MYO9A: variants seen among roughly 807,000 people sequenced by gnomAD.
MYO9A encodes myosin IXA.
In MYO9A, 103 loss-of-function variants were observed where a neutral mutation model predicts 293.3. That is an observed-to-expected ratio of 0.35 (90% CI 0.30 to 0.41). MYO9A has a LOEUF of 0.41. MYO9A is among the 10% of genes least tolerant of loss of function. MYO9A has a pLI of 1.00. For missense variants in MYO9A, 2,685 were observed against 3,033.0 expected (o/e 0.89, Z 2.69); for synonymous variants, 1,001 against 1,035.7 (o/e 0.97, Z 0.64).
chr15:71,935,363 C>G lies in MYO9A; in HGVS notation c.2500G>C (p.Glu834Gln), dbSNP rs1390986764. Residue 834 changes from glutamate to glutamine, a missense_variant, in exon 17 of 42, where the codon GAG becomes CAG. This residue lies in a region of MYO9A where 1,434 missense variants were observed against 1,497.7 expected (regional missense o/e 0.96). Coordinates refer to ENST00000356056, the MANE Select transcript of MYO9A (RefSeq NM_006901.4). ...GACGTGAGAATTCCATGGGCTCTCT[C>G]CAGGAGTTTGCTGCTAGTTGAATTA... ...FANSTSSKLL[E>Q]RAHGILTRNK... The G allele has an allele frequency of 1.4e-5, 22 of 1,613,446 alleles. No individual in the cohort carries two copies. The highest frequency in any genetic ancestry group is 1.8e-5 in the Non-Finnish European group (21 of 1,179,630).
intron 8 of MYO9A, among the ~76,000 whole-genome samples, chr15:72,006,249 T>G (rs975926426): frequency 2.0e-5 from 3 of 151,936 alleles, no homozygotes; most frequent in African/African-American, 7.3e-5. Flanking sequence ...AATTTTTGTG[T>G]TTTTTTTTTG....
intron 15 of MYO9A, among the ~76,000 whole-genome samples, chr15:71,949,624 T>C (rs766982347): frequency 3.9e-5 from 6 of 152,030 alleles, no homozygotes; most frequent in Middle Eastern, 3.2e-3. Flanking sequence ...ATTATAGTTA[T>C]GTCTTTCAAG....
At chr15:71,855,420 A>T (rs1198022590) in intron 34 of MYO9A, among the ~76,000 whole-genome samples, 2 of 152,078 alleles carry the variant, frequency 1.3e-5, no homozygotes, top group African/African-American at 4.8e-5. Flanking sequence ...ACAGGCATGA[A>T]CCACTGTGTC....
intron 1 of MYO9A, among the ~76,000 whole-genome samples, chr15:72,054,920 C>T (rs1270294477): frequency 4.0e-5 from 6 of 148,370 alleles, no homozygotes; most frequent in South Asian, 4.3e-4. Flanking sequence ...GACACTTTTA[C>T]TGAAAGAATT....
At chr15:72,091,840 G>A (rs1011004875) in intron 1 of MYO9A, among the ~76,000 whole-genome samples, 8 of 151,340 alleles carry the variant, frequency 5.3e-5, no homozygotes, top group African/African-American at 1.7e-4. Context: ...TCAGCCTCCC[G>A]AGTAGCTGGG....
Position 71,905,506 on chromosome 15 carries a change from C to G in MYO9A, c.2686-500G>C, listed in dbSNP as rs572005755. Among the ~76,000 whole-genome samples the G allele has an allele frequency of 8.5e-4, 130 of 152,054 alleles. 1 individual carries two copies. The highest frequency in any genetic ancestry group is 3.0e-3 in the African/African-American group (123 of 41,450). On this transcript the variant is annotated intron_variant, in intron 19 of 41. Transcript: ENST00000356056. ...TATCAACTTTTTGATTTGCTCAGCC[C>G]AGGCATGGTGGCTCACGCCTATAAT...
At chr15:71,930,179 G>A (rs945547553) in intron 18 of MYO9A, among the ~76,000 whole-genome samples, 3 of 152,166 alleles carry the variant, frequency 2.0e-5, no homozygotes, top group Non-Finnish European at 4.4e-5. Context: ...TTCTGCTGCT[G>A]TTGACTGAAA....
At chr15:71,879,218 A>G (rs2056796885) in intron 30 of MYO9A, among the ~76,000 whole-genome samples, 1 of 152,218 alleles carries the variant, frequency 6.6e-6, no homozygotes, top group Admixed American at 6.5e-5. Context: ...GCACACACCA[A>G]AAATAAATTT....
chr15:71,941,917 T>C (rs1336582213), intron 15 of MYO9A, among the ~76,000 whole-genome samples: 1 of 152,100 alleles, frequency 6.6e-6, no homozygotes, highest in East Asian at 1.9e-4. Flanking sequence ...CTTCATGAAG[T>C]AACTCCACTC....
intron 34 of MYO9A, among the ~76,000 whole-genome samples, chr15:71,856,318 A>C (rs2055862902): frequency 6.6e-6 from 1 of 151,988 alleles, no homozygotes; most frequent in South Asian, 2.1e-4. Context: ...TCTCAAAAGA[A>C]AAAAAAAGAA....
chr15:72,085,470 C>T (rs972889573), intron 1 of MYO9A, among the ~76,000 whole-genome samples: 3 of 151,230 alleles, frequency 2.0e-5, no homozygotes, highest in Admixed American at 6.6e-5. Flanking sequence ...TCAGCTCATT[C>T]GGGTTGGTTA....
chr15:72,057,094 C>CA (rs2078743274), intron 1 of MYO9A, among the ~76,000 whole-genome samples: 1 of 148,046 alleles, frequency 6.8e-6, no homozygotes, highest in African/African-American at 2.5e-5. Context: ...GTGACAAGAG[C>CA]AAGACTCTGT....
intron 15 of MYO9A, among the ~76,000 whole-genome samples, chr15:71,949,481 G>A (rs990842844): frequency 6.8e-6 from 1 of 147,988 alleles, no homozygotes; most frequent in Non-Finnish European, 1.5e-5. Context: ...AATAATTTTC[G>A]ACCCCTTTAT....
At chr15:71,904,402 T>C (rs188413074) in intron 20 of MYO9A, among the ~76,000 whole-genome samples, 80 of 152,258 alleles carry the variant, frequency 5.3e-4, no homozygotes, top group African/African-American at 1.9e-3. Context: ...CCTATAATCC[T>C]AGCACTTTGG....
At chr15:72,096,013 T>C (rs554698111) in intron 1 of MYO9A, among the ~76,000 whole-genome samples, 2 of 151,978 alleles carry the variant, frequency 1.3e-5, no homozygotes, top group African/African-American at 4.8e-5. Flanking sequence ...CTAAAAATAT[T>C]AGCTGGGCAT....
intron 19 of MYO9A, among the ~76,000 whole-genome samples, chr15:71,905,264 A>C (rs748799890): frequency 2.0e-5 from 3 of 152,218 alleles, no homozygotes; most frequent in Non-Finnish European, 4.4e-5. Context: ...AATCAAATAT[A>C]GAATTTTTTT....
At chr15:72,063,071 TG>T (rs1348271248) in intron 1 of MYO9A, among the ~76,000 whole-genome samples, 3 of 152,144 alleles carry the variant, frequency 2.0e-5, no homozygotes, top group Admixed American at 2.0e-4. Flanking sequence ...TGAAACAGAA[TG>T]GAGAACCCAG....
chr15:72,054,784 G>A lies in MYO9A; in HGVS notation c.-71-8150C>T, dbSNP rs1020854596. On this transcript the variant is annotated intron_variant, in intron 1 of 41. Coordinates refer to ENST00000356056, the MANE Select transcript of MYO9A (RefSeq NM_006901.4). ...TATGATTATAAATAAGATCAAGCAA[G>A]GAAGCAGAAACTAAAAACTGAAGAA... Among the ~76,000 whole-genome samples the A allele has an allele frequency of 2.0e-5, 3 of 150,810 alleles. No homozygotes were observed. The East Asian group carries it at 5.8e-4, about 29-fold the overall frequency.
At chr15:71,828,543 T>A (rs1191936974) in intron 40 of MYO9A, among the ~76,000 whole-genome samples, 1 of 152,154 alleles carries the variant, frequency 6.6e-6, no homozygotes, top group East Asian at 1.9e-4. Flanking sequence ...AGAAAAACAC[T>A]GATTGATCTT....
Sources: allele counts gnomAD v4.1 joint callset (sites outside exome capture counted in the v4.1 genomes callset), GRCh38; gene constraint gnomAD v4.1.1; regional missense constraint gnomAD v4.1.1; transcripts MANE v1.5; gene names NCBI Gene and HGNC (gene_info 2026-07-23, HGNC 2026-07-21).